Variants in CDH12 observed in about 807,000 individuals in gnomAD.
CDH12 encodes the protein cadherin 12.
Under a neutral mutation model 74.1 loss-of-function variants are expected in CDH12, and 41 were observed. The ratio of observed to expected loss-of-function variants is 0.55; its 90% CI spans 0.43 to 0.72. CDH12 has a LOEUF of 0.72. Ranked by LOEUF, CDH12 falls within the 30% of genes least tolerant of loss-of-function variation. The pLI, the probability that CDH12 is intolerant of heterozygous loss-of-function variation, is 0.00. For synonymous variants in CDH12, 399 were observed against 355.0 expected, an observed-to-expected ratio of 1.12 and a Z score of -1.39; for missense variants, 945 against 977.2, an observed-to-expected ratio of 0.97 and a Z score of 0.44.
At chr5:22,697,633 T>C (rs769930513) in intron 1 of CDH12, among the ~76,000 whole-genome samples, 1 of 151,788 alleles carries the variant, frequency 6.6e-6, no homozygotes, top group Non-Finnish European at 1.5e-5. Context: ...TGTTTTTATC[T>C]ATTCAATTAT....
At chr5:22,027,925 C>T (rs1738495052) in intron 5 of CDH12, among the ~76,000 whole-genome samples, 1 of 152,024 alleles carries the variant, frequency 6.6e-6, no homozygotes, top group Non-Finnish European at 1.5e-5. Context: ...AATTTTGGAT[C>T]CTTCCTACTT....
rs1220381857 is a variant in CDH12 at position 22,182,394 on chromosome 5, G to T, written c.-187+30104C>A. ...TTGTTTGCTAAGTGATTTGATTACAGTCCATTTTACCTACCATAAGAGGAT... is the reference window on the plus strand; with the variant it reads ...TTGTTTGCTAAGTGATTTGATTACATTCCATTTTACCTACCATAAGAGGAT... On this transcript the variant is annotated intron_variant, in intron 4 of 14. Transcript: ENST00000382254. Among the ~76,000 whole-genome samples the T allele has an allele frequency of 2.6e-5, 4 of 152,112 alleles. No individual in the cohort carries two copies. In the East Asian group the frequency reaches 7.7e-4, roughly 29 times the overall value.
At chr5:21,888,279 T>C (rs910596756) in intron 6 of CDH12, among the ~76,000 whole-genome samples, 1 of 152,178 alleles carries the variant, frequency 6.6e-6, no homozygotes, top group African/African-American at 2.4e-5. Flanking sequence ...GGGTAATTTT[T>C]TCATATGAAA....
chr5:21,764,023 G>GA (rs1204496973), intron 12 of CDH12, among the ~76,000 whole-genome samples: 2 of 152,130 alleles, frequency 1.3e-5, no homozygotes, highest in Non-Finnish European at 2.9e-5. Flanking sequence ...AATATACTGG[G>GA]AAAATGCACT....
At chr5:21,989,827 C>G (rs1757671778) in intron 5 of CDH12, among the ~76,000 whole-genome samples, 1 of 152,108 alleles carries the variant, frequency 6.6e-6, no homozygotes, top group South Asian at 2.1e-4. Flanking sequence ...AATATAAAAT[C>G]CTTTTTTTCC....
intron 6 of CDH12, among the ~76,000 whole-genome samples, chr5:21,913,041 C>T (rs542075048): frequency 6.6e-6 from 1 of 152,196 alleles, no homozygotes; most frequent in African/African-American, 2.4e-5. Flanking sequence ...TGGGATTTTA[C>T]CATGTTGGCC....
chr5:22,136,354 T>C (rs945484102), intron 4 of CDH12, among the ~76,000 whole-genome samples: 1 of 151,930 alleles, frequency 6.6e-6, no homozygotes, highest in African/African-American at 2.4e-5. Context: ...AACACAACTC[T>C]CAATTTTACT....
intron 6 of CDH12, among the ~76,000 whole-genome samples, chr5:21,939,423 A>G (rs966277146): frequency 4.6e-5 from 7 of 151,776 alleles, no homozygotes; most frequent in Admixed American, 6.6e-5. Context: ...TATTTTTAAT[A>G]AAGGTTTTAC....
At position 22,098,505 on chromosome 5, in the gene CDH12, A is replaced by G. The variant is rs979235567; in HGVS notation, c.-186-19643T>C. On this transcript the variant is annotated intron_variant, in intron 4 of 14. Coordinates refer to ENST00000382254, the MANE Select transcript of CDH12 (RefSeq NM_004061.5). The stretch of plus-strand genomic sequence containing the variant: ...TGCGTGCAGCAGCTGCCGCTGCTTT[A>G]ATACTTTTAGAGGCCCTAAAAATCA... Among the ~76,000 whole-genome samples the G allele has an allele frequency of 6.2e-4, 95 of 152,262 alleles. 1 individual carries two copies. Among genetic ancestry groups the G allele is most frequent in the African/African-American group, 2.2e-3 (91 of 41,534 alleles).
intron 1 of CDH12, among the ~76,000 whole-genome samples, chr5:22,743,321 T>A (rs1163136464): frequency 2.0e-5 from 3 of 149,690 alleles, no homozygotes; most frequent in Non-Finnish European, 4.4e-5. Flanking sequence ...TATGTATATA[T>A]GCACATCTTA....
At chr5:22,139,237 G>A (rs956615432) in intron 4 of CDH12, 3 of 149,328 alleles carry the variant, frequency 2.0e-5, no homozygotes, top group East Asian at 2.0e-4. Flanking sequence ...ATACATTGTC[G>A]GCTAATACAT....
At chr5:22,815,865 C>T (rs1396725709) in intron 1 of CDH12, among the ~76,000 whole-genome samples, 1 of 150,254 alleles carries the variant, frequency 6.7e-6, no homozygotes, top group Non-Finnish European at 1.5e-5. Context: ...TACATGTAAA[C>T]TGCTACTTGA....
chr5:22,301,490 T>C (rs1193783148), intron 3 of CDH12, among the ~76,000 whole-genome samples: 1 of 152,166 alleles, frequency 6.6e-6, no homozygotes, highest in African/African-American at 2.4e-5. Context: ...AAAACTTGCA[T>C]TCTACAAAAG....
intron 3 of CDH12, among the ~76,000 whole-genome samples, chr5:22,329,478 A>C (rs1580529563): frequency 6.6e-6 from 1 of 152,326 alleles, no homozygotes; most frequent in African/African-American, 2.4e-5. Context: ...AGCTTACATC[A>C]TTTGTTCCCG....
At chr5:22,285,680 A>T (rs1737103791) in intron 3 of CDH12, among the ~76,000 whole-genome samples, 1 of 152,150 alleles carries the variant, frequency 6.6e-6, no homozygotes, top group Non-Finnish European at 1.5e-5. Flanking sequence ...CTGGTTTTAG[A>T]AATTTTAGTC....
chr5:22,423,950 C>T (rs1381686040), intron 2 of CDH12, among the ~76,000 whole-genome samples: 51 of 138,612 alleles, frequency 3.7e-4, no homozygotes, highest in Admixed American at 1.1e-3. Context: ...TTGCAGTGAG[C>T]CGAGATCCCG....
At chr5:22,798,444 A>G (rs1748342844) in intron 1 of CDH12, among the ~76,000 whole-genome samples, 1 of 152,144 alleles carries the variant, frequency 6.6e-6, no homozygotes, top group South Asian at 2.1e-4. Flanking sequence ...TAAATTTAAC[A>G]TGTAATATGT....
intron 1 of CDH12, among the ~76,000 whole-genome samples, chr5:22,762,962 C>A (rs1041644568): frequency 1.3e-5 from 2 of 151,696 alleles, no homozygotes; most frequent in African/African-American, 4.8e-5. Context: ...TCACTTGAGC[C>A]CAGAATCCTG....
chr5:22,835,698 C>T (rs1031626351), intron 1 of CDH12, among the ~76,000 whole-genome samples: 2 of 152,174 alleles, frequency 1.3e-5, no homozygotes, highest in African/African-American at 2.4e-5. Flanking sequence ...AACGATTAAT[C>T]TCACCTTCTT....
Sources: gnomAD v4.1 joint callset for allele counts (sites outside exome capture counted in the v4.1 genomes callset) on GRCh38, gnomAD v4.1.1 for gene constraint, MANE v1.5 for transcripts, NCBI Gene and HGNC (gene_info 2026-07-23, HGNC 2026-07-21) for gene names.